The following DMXL2 variants were observed in gnomAD, a reference collection of about 807,000 sequenced individuals.
The protein encoded by DMXL2 is dmX-like protein 2.
DMXL2 carries 103 observed loss-of-function variants against 331.1 expected under a neutral mutation model. The observed-to-expected ratio is 0.31, with a 90% confidence interval of 0.27 to 0.37. The LOEUF (loss-of-function observed/expected upper bound fraction) is 0.37, where lower values mean the gene tolerates loss of function less well. Ranked by LOEUF, DMXL2 falls within the 10% of genes least tolerant of loss-of-function variation. The probability of loss-of-function intolerance (pLI) is 1.00; values close to 1 mark genes in which losing one functional copy is unlikely to be tolerated. For synonymous variants in DMXL2, 1,281 were observed against 1,252.1 expected (o/e 1.02, Z -0.49); for missense variants, 3,171 against 3,642.9 (o/e 0.87, Z 3.33).
chr15:51,602,287 C>G (rs889312348), intron 1 of DMXL2, among the ~76,000 whole-genome samples: 3 of 152,120 alleles, frequency 2.0e-5, no homozygotes, highest in African/African-American at 7.2e-5. Context: ...AAAGGAGACT[C>G]TTAATGTTCA....
rs1318260463 is a variant in DMXL2, at chr15:51,536,922, T to A, written c.1618-60A>T. ...GTTTACCTCCTCTCAAAAAAAAGAC[T>A]TCTATTCTCAAAATACCAAATCTCA... On this transcript the variant is annotated intron_variant, in intron 11 of 43. Transcript: ENST00000560891. The A allele has an allele frequency of 4.4e-6, 6 of 1,378,004 alleles. No homozygotes were observed. In the African/African-American group the frequency reaches 8.7e-5, roughly 20 times the overall value. 85.4% of individuals were successfully genotyped at this position (1,378,004 alleles called of 1,614,324 possible). A position where few individuals can be genotyped will look rare whatever the true frequency, so the allele number is the denominator to read the frequency against.
intron 9 of DMXL2, among the ~76,000 whole-genome samples, chr15:51,540,474 G>T (rs2048529661): frequency 6.6e-6 from 1 of 151,962 alleles, no homozygotes; most frequent in African/African-American, 2.4e-5. Context: ...CTTTCAAATG[G>T]TTCCGTCAAA....
chr15:51,517,153 T>G lies in DMXL2; in HGVS notation c.2451A>C (p.Glu817Asp), dbSNP rs549677252. 1.2e-6 allele frequency: 2 copies of G among 1,613,610 alleles called. No homozygotes were observed. The highest frequency in any genetic ancestry group is 2.7e-5 in the African/African-American group (2 of 75,032). Reference sequence around the variant, plus strand: ...ACTGTTGGCTCACAATATTAAACACTTCTCCAATAAGTTTCTGTAAATAAA... The same window carrying G: ...ACTGTTGGCTCACAATATTAAACACGTCTCCAATAAGTTTCTGTAAATAAA... ...SDPESSKLIG[E>D]VFNIVSQQST... The change falls in exon 14 of 44, where the codon GAA becomes GAC. Residue 817 changes from glutamate (E) to aspartate (D), a missense_variant. Coordinates refer to ENST00000560891, the MANE Select transcript of DMXL2 (RefSeq NM_001378457.1).
intron 26 of DMXL2, 85 bp from the exon 27 acceptor site, chr15:51,476,804 AT>A: frequency 1.7e-6 from 2 of 1,143,332 alleles, no homozygotes; most frequent in Middle Eastern, 2.2e-4. Context: ...TTAGACACCT[AT>A]TTTAAGAAAC....
chr15:51,526,680 A>G (rs2047695347), intron 13 of DMXL2, among the ~76,000 whole-genome samples: 1 of 152,248 alleles, frequency 6.6e-6, no homozygotes, highest in African/African-American at 2.4e-5. Context: ...TCAGAATTCT[A>G]TCAGATAAAT....
chr15:51,537,791 C>A, intron 10 of DMXL2, 32 bp from the exon 11 acceptor site: 1 of 1,584,952 alleles, frequency 6.3e-7, no homozygotes, highest in Non-Finnish European at 8.6e-7. Flanking sequence ...TCAATACAAG[C>A]ATTAAATAAT....
intron 13 of DMXL2, among the ~76,000 whole-genome samples, chr15:51,523,306 A>G (rs1173604352): frequency 1.3e-5 from 2 of 152,260 alleles, no homozygotes; most frequent in East Asian, 1.9e-4. Flanking sequence ...TCTATAGTCT[A>G]TATTTTAGAA....
chr15:51,541,598 T>C (rs1006953604), intron 9 of DMXL2, among the ~76,000 whole-genome samples: 4 of 152,094 alleles, frequency 2.6e-5, no homozygotes, highest in Non-Finnish European at 5.9e-5. Context: ...TGTATTTACA[T>C]ACAGAAACAT....
rs1407663767 is a variant in DMXL2 at position 51,542,443 on chromosome 15, G to C, written c.995C>G (p.Ala332Gly). 3 of 1,613,512 alleles carry C rather than the reference G, an allele frequency of 1.9e-6. No homozygotes were observed. In the African/African-American group the frequency reaches 4.0e-5, roughly 22 times the overall value. Residue 332 changes from alanine (A) to glycine (G), a missense_variant, in exon 9 of 44, where the codon GCT (alanine) becomes GGT (glycine). Physicochemically the swap from Ala to Gly is moderately conservative, Grantham distance 60 (BLOSUM62 0). Coordinates refer to ENST00000560891, the MANE Select transcript of DMXL2 (RefSeq NM_001378457.1). Reference sequence around the variant, plus strand: ...TGCTGTCTGGTCGGGCATTAATTCAGCATGAGTTACAAGAACAGATGACCT... The same window carrying C: ...TGCTGTCTGGTCGGGCATTAATTCACCATGAGTTACAAGAACAGATGACCT... ...QRRSSVLVTHAELMPDQTAMH... is the reference protein window; with the variant it reads ...QRRSSVLVTHGELMPDQTAMH...
intron 33 of DMXL2, chr15:51,459,971 G>A (rs967856747): frequency 1.0e-6 from 1 of 984,740 alleles, no homozygotes; most frequent in Non-Finnish European, 1.2e-6. Flanking sequence ...TAAAATTAAA[G>A]CCCATTTGTA....
chr15:51,550,097 A>T (rs2049123008), intron 6 of DMXL2, among the ~76,000 whole-genome samples: 1 of 152,162 alleles, frequency 6.6e-6, no homozygotes, highest in African/African-American at 2.4e-5. Context: ...TAAGTTTCAT[A>T]CTAGAGTTGT....
At chr15:51,561,083 C>A (rs997193017) in intron 6 of DMXL2, among the ~76,000 whole-genome samples, 3 of 151,092 alleles carry the variant, frequency 2.0e-5, no homozygotes, top group African/African-American at 7.3e-5. Context: ...GAAAAGTCCC[C>A]CAGAAATTAA....
At chr15:51,515,480 T>A (rs2046983543) in intron 14 of DMXL2, among the ~76,000 whole-genome samples, 1 of 152,174 alleles carries the variant, frequency 6.6e-6, no homozygotes, top group African/African-American at 2.4e-5. Flanking sequence ...TTATAGGGTA[T>A]TTTGTGTTTC....
intron 1 of DMXL2, among the ~76,000 whole-genome samples, chr15:51,618,909 T>C (rs1156571484): frequency 2.0e-5 from 3 of 152,236 alleles, no homozygotes; most frequent in Non-Finnish European, 2.9e-5. Flanking sequence ...GACTTACTAA[T>C]TTTTGTAAAC....
intron 32 of DMXL2, 70 bp from the exon 33 acceptor site, chr15:51,463,566 A>G: frequency 1.1e-6 from 1 of 940,396 alleles, no homozygotes; most frequent in Non-Finnish European, 1.6e-6. Context: ...GCAGATATTT[A>G]TTTTTAAAAC....
intron 6 of DMXL2, among the ~76,000 whole-genome samples, chr15:51,549,578 A>C (rs570061370): frequency 6.6e-6 from 1 of 152,294 alleles, no homozygotes; most frequent in South Asian, 2.1e-4. Flanking sequence ...TCCCAACATC[A>C]GTGTAAAAGT....
At chr15:51,449,973 G>A (rs992674004) in intron 43 of DMXL2, among the ~76,000 whole-genome samples, 156 bp downstream of exon 43, 2 of 152,142 alleles carry the variant, frequency 1.3e-5, no homozygotes, top group African/African-American at 4.8e-5. Flanking sequence ...AACCATACAG[G>A]AGCATGGGGA....
intron 2 of DMXL2, among the ~76,000 whole-genome samples, chr15:51,571,601 C>T (rs2050674761): frequency 6.6e-6 from 1 of 152,184 alleles, no homozygotes; most frequent in Admixed American, 6.5e-5. Context: ...GACCACAGCG[C>T]AATCATATTA....
In DMXL2 at chr15:51,499,692, C is replaced by G; in HGVS notation, c.3532G>C (p.Asp1178His). The G allele has an allele frequency of 6.2e-7, 1 of 1,614,028 alleles. No homozygotes were observed. Among genetic ancestry groups the G allele is most frequent in the Non-Finnish European group, 8.5e-7 (1 of 1,179,996 alleles). Reference protein sequence around the residue: ...LVHLDWVSKEDGSHILTVGVG... With the variant: ...LVHLDWVSKEHGSHILTVGVG... Reference sequence around the variant, plus strand: ...CCCACTGTAAGAATGTGGGAGCCATCTTCTTTTGATACCCAGTCCAAATGT... The same window carrying G: ...CCCACTGTAAGAATGTGGGAGCCATGTTCTTTTGATACCCAGTCCAAATGT... Residue 1178 changes from aspartate to histidine, a missense_variant, in exon 18 of 44, where the codon GAT becomes CAT. Transcript: ENST00000560891.
Sources: allele counts gnomAD v4.1 joint callset (sites outside exome capture counted in the v4.1 genomes callset), GRCh38; gene constraint gnomAD v4.1.1; transcripts MANE v1.5; gene names NCBI Gene and HGNC (gene_info 2026-07-23, HGNC 2026-07-21).